The following CADPS variants were observed in gnomAD, a reference collection of about 807,000 sequenced individuals.
CADPS encodes calcium-dependent secretion activator 1.
CADPS carries 57 observed loss-of-function variants against 167.3 expected under a neutral mutation model. That is an observed-to-expected ratio of 0.34 (90% CI 0.28 to 0.42). CADPS has a LOEUF of 0.42. Ranked by LOEUF, CADPS falls within the 20% of genes least tolerant of loss-of-function variation. The pLI is 1.00. For missense variants in CADPS, 1,414 were observed against 1,738.1 expected, an observed-to-expected ratio of 0.81 and a Z score of 3.32; for synonymous variants, 676 against 635.3, an observed-to-expected ratio of 1.06 and a Z score of -0.96.
intron 3 of CADPS, among the ~76,000 whole-genome samples, chr3:62,692,939 T>C (rs1172578271): frequency 1.3e-5 from 2 of 152,058 alleles, no homozygotes; most frequent in Non-Finnish European, 2.9e-5. Flanking sequence ...TCTTAGTAGA[T>C]GATGTGACCT....
intron 1 of CADPS, among the ~76,000 whole-genome samples, chr3:62,801,871 T>C (rs1428655406): frequency 2.0e-5 from 3 of 152,212 alleles, no homozygotes; most frequent in African/African-American, 4.8e-5. Flanking sequence ...TTTCTACTGT[T>C]GTAATCATTG....
At chr3:62,539,101 C>G (rs2075265503) in intron 11 of CADPS, among the ~76,000 whole-genome samples, 1 of 152,110 alleles carries the variant, frequency 6.6e-6, no homozygotes, top group Non-Finnish European at 1.5e-5. Context: ...TTTCTTTCTT[C>G]TTTCTCCCCA....
intron 3 of CADPS, among the ~76,000 whole-genome samples, chr3:62,746,857 C>T (rs978348340): frequency 2.0e-5 from 3 of 152,114 alleles, no homozygotes; most frequent in Admixed American, 6.5e-5. Flanking sequence ...CCTTAACAGA[C>T]GACCTGGCTA....
rs34002756 is a variant in CADPS at position 62,428,296 on chromosome 3, CTTTTTTTTTT to C, written c.3777+9798_3777+9807del. Reference sequence around the variant, plus strand: ...TTGCAGCCACCTGGTGGAAGCAAGACTTTTTTTTTTTTTTTTTTTTTTTTTTTTTTTTTAA... The same window carrying C: ...TTGCAGCCACCTGGTGGAAGCAAGACTTTTTTTTTTTTTTTTTTTTTTTAA... On this transcript the variant is annotated intron_variant, in intron 28 of 29. Transcript: ENST00000383710. Among the ~76,000 whole-genome samples, 48 of 64,648 alleles carry C rather than the reference CTTTTTTTTTT, an allele frequency of 7.4e-4. 1 individual carries two copies. Among genetic ancestry groups the C allele is most frequent in the East Asian group, 4.9e-3 (5 of 1,018 alleles). The allele number at this position is 64,648 out of a possible 152,430, so 42.4% of individuals were successfully genotyped here. A position where few individuals can be genotyped will look rare whatever the true frequency, so the allele number is the denominator to read the frequency against.
intron 5 of CADPS, among the ~76,000 whole-genome samples, chr3:62,650,569 T>C (rs191679951): frequency 6.6e-6 from 1 of 152,188 alleles, no homozygotes; most frequent in African/African-American, 2.4e-5. Flanking sequence ...TTCTAAATTA[T>C]ATAAGGTCTT....
At chr3:62,861,723 T>G (rs1303491821) in intron 1 of CADPS, among the ~76,000 whole-genome samples, 1 of 152,212 alleles carries the variant, frequency 6.6e-6, no homozygotes, top group Admixed American at 6.5e-5. Flanking sequence ...TTGCCTACAG[T>G]GTGAAGTCTC....
At chr3:62,616,714 T>C (rs1348850314) in intron 6 of CADPS, among the ~76,000 whole-genome samples, 1 of 152,182 alleles carries the variant, frequency 6.6e-6, no homozygotes, top group Non-Finnish European at 1.5e-5. Context: ...ATATGGTATA[T>C]GTGCAACAGT....
chr3:62,533,198 A>T (rs989489974), intron 12 of CADPS, 140 bp from the exon 13 acceptor site: 94 of 667,604 alleles, frequency 1.4e-4, no homozygotes, highest in Middle Eastern at 8.1e-4. Context: ...TGTGCCAGCC[A>T]CTGTGCACAG....
At chr3:62,843,492 G>GGGGTGTGT in intron 1 of CADPS, among the ~76,000 whole-genome samples, 1 of 149,114 alleles carries the variant, frequency 6.7e-6, no homozygotes, top group East Asian at 2.0e-4. Context: ...TGGCAGTTGG[G>GGGGTGTGT]GTGTGTGTGT....
chr3:62,757,116 T>C (rs2084131444), intron 2 of CADPS, among the ~76,000 whole-genome samples: 1 of 152,054 alleles, frequency 6.6e-6, no homozygotes, highest in Non-Finnish European at 1.5e-5. Context: ...GTGATGGCAG[T>C]GGGGACACTA....
intron 23 of CADPS, among the ~76,000 whole-genome samples, chr3:62,477,301 G>A (rs905060061): frequency 7.1e-6 from 1 of 140,396 alleles, no homozygotes; most frequent in African/African-American, 2.7e-5. Flanking sequence ...AGCCTGTGCT[G>A]CTTGCAATCT....
At chr3:62,648,787 C>T (rs760108779) in intron 5 of CADPS, among the ~76,000 whole-genome samples, 6 of 151,340 alleles carry the variant, frequency 4.0e-5, no homozygotes, top group Non-Finnish European at 7.4e-5. Context: ...AGACAAGAGG[C>T]AGTAGGGAAT....
At chr3:62,444,862 G>A (rs1375553875) in intron 27 of CADPS, among the ~76,000 whole-genome samples, 1 of 152,112 alleles carries the variant, frequency 6.6e-6, no homozygotes, top group Non-Finnish European at 1.5e-5. Flanking sequence ...AACAAGGGGG[G>A]TACTTAACCA....
At chr3:62,803,826 T>C (rs1174396605) in intron 1 of CADPS, among the ~76,000 whole-genome samples, 2 of 152,154 alleles carry the variant, frequency 1.3e-5, no homozygotes, top group Non-Finnish European at 2.9e-5. Flanking sequence ...GTTCTTCTCC[T>C]GCTGATCTTG....
Position 62,874,835 on chromosome 3 carries a change from C to G in CADPS, c.195G>C (p.Gly65=), listed in dbSNP as rs1489486902. 2.2e-5 allele frequency: 23 copies of G among 1,039,212 alleles called. No homozygotes were observed. Among genetic ancestry groups the G allele is most frequent in the Non-Finnish European group, 2.7e-5 (23 of 858,634 alleles). 64.4% of individuals were successfully genotyped at this position (1,039,212 alleles called of 1,614,324 possible). A position where few individuals can be genotyped will look rare whatever the true frequency, so the allele number is the denominator to read the frequency against. ...AGAGVGAGGG[G]GSGASSGGGA... ...CGCCGCCGCTGCTCGCGCCGCTGCC[C>G]CCGCCGCCGCCTGCACCCACCCCGG... is the stretch of plus-strand genomic sequence containing the variant. The change falls in exon 1 of 30, where the codon GGG becomes GGC. Residue 65 remains glycine (G), a synonymous_variant. Transcript: ENST00000383710. This position sits in a 1 kb window ranked among gnomAD's most constrained non-coding sequence, Gnocchi z 7.1.
rs910365765 is a variant in CADPS, at chr3:62,474,392, A to C, written c.3330-72T>G. 3 of 1,441,828 alleles carry C rather than the reference A, an allele frequency of 2.1e-6. No homozygotes were observed. The South Asian group carries it at 3.5e-5, about 17-fold the overall frequency. The allele number at this position is 1,441,828 out of a possible 1,614,324, so 89.3% of individuals were successfully genotyped here. ...GCAGGTGGAGGAGATATTTTCTGAG[A>C]GGTCAGTGAAAAAGAAAATTGAAGG... On this transcript the variant is annotated intron_variant, in intron 23 of 29. Transcript: ENST00000383710.
intron 3 of CADPS, among the ~76,000 whole-genome samples, chr3:62,724,132 G>T (rs1475494337): frequency 6.6e-6 from 1 of 152,208 alleles, no homozygotes; most frequent in African/African-American, 2.4e-5. Context: ...GTGCAAAATA[G>T]AAACAGGGAT....
intron 3 of CADPS, among the ~76,000 whole-genome samples, chr3:62,749,817 G>C (rs776785776): frequency 2.6e-5 from 4 of 152,170 alleles, no homozygotes; most frequent in Non-Finnish European, 5.9e-5. Context: ...GTCAGTCTGA[G>C]GCTATTTTCA....
At chr3:62,830,765 C>T (rs1376414304) in intron 1 of CADPS, among the ~76,000 whole-genome samples, 4 of 152,108 alleles carry the variant, frequency 2.6e-5, no homozygotes, top group African/African-American at 9.7e-5. Context: ...AGACCTGATA[C>T]GTTTTGTGGA....
Sources: allele counts gnomAD v4.1 joint callset (sites outside exome capture counted in the v4.1 genomes callset), GRCh38; gene constraint gnomAD v4.1.1; non-coding constraint Gnocchi (gnomAD v3.1); transcripts MANE v1.5; gene names NCBI Gene and HGNC (gene_info 2026-07-23, HGNC 2026-07-21).